Variants in DLC1 observed in about 807,000 individuals in gnomAD.
DLC1 encodes the protein DLC1 Rho GTPase activating protein, also known as rho GTPase-activating protein 7.
Under a neutral mutation model 140.3 loss-of-function variants are expected in DLC1, and 54 were observed. The observed-to-expected ratio is 0.38, with a 90% CI of 0.31 to 0.48. The LOEUF (loss-of-function observed/expected upper bound fraction) is 0.48. Among genes scored for constraint, DLC1 ranks in the 20% least tolerant of loss-of-function variants. The probability of loss-of-function intolerance (pLI) is 0.96; values close to 1 mark genes in which losing one functional copy is unlikely to be tolerated. For missense variants in DLC1, 2,536 were observed against 1,907.0 expected, an observed-to-expected ratio of 1.33 and a Z score of -6.14; for synonymous variants, 986 against 728.1, an observed-to-expected ratio of 1.35 and a Z score of -5.70.
At chr8:13,454,649 G>A (rs1198497206) in intron 2 of DLC1, among the ~76,000 whole-genome samples, 1 of 152,132 alleles carries the variant, frequency 6.6e-6, no homozygotes, top group Non-Finnish European at 1.5e-5. Context: ...TCGACCTCTG[G>A]GCTCAAGTGA....
intron 4 of DLC1, among the ~76,000 whole-genome samples, chr8:13,331,607 A>G (rs985081392): frequency 3.9e-5 from 6 of 152,126 alleles, no homozygotes; most frequent in South Asian, 2.1e-4. Flanking sequence ...TAAAATGTCT[A>G]TGTTCTAATT....
chr8:13,439,095 G>A (rs1334058225), intron 2 of DLC1, among the ~76,000 whole-genome samples: 1 of 152,166 alleles, frequency 6.6e-6, no homozygotes, highest in South Asian at 2.1e-4. Flanking sequence ...GGGAGGCCAA[G>A]GTGGGTAGAT....
At chr8:13,489,996 C>T (rs1002827115) in intron 2 of DLC1, among the ~76,000 whole-genome samples, 13 of 152,098 alleles carry the variant, frequency 8.5e-5, no homozygotes, top group South Asian at 4.1e-4. Flanking sequence ...CTTGTAAGGC[C>T]GAGACTGTTT....
chr8:13,331,976 A>G (rs1462399438), intron 4 of DLC1, among the ~76,000 whole-genome samples: 31 of 152,230 alleles, frequency 2.0e-4, no homozygotes, highest in Admixed American at 2.0e-3. Context: ...ACTTCTACAC[A>G]CAAAGACTCA....
intron 5 of DLC1, among the ~76,000 whole-genome samples, chr8:13,121,324 A>G (rs1821041581): frequency 6.6e-6 from 1 of 152,178 alleles, no homozygotes; most frequent in Non-Finnish European, 1.5e-5. Flanking sequence ...ATGGGAAGGA[A>G]GATACTGCTT....
chr8:13,267,395 C>A (rs928078236), intron 5 of DLC1, among the ~76,000 whole-genome samples: 1 of 151,168 alleles, frequency 6.6e-6, no homozygotes, highest in African/African-American at 2.4e-5. Flanking sequence ...ATATAGTAAT[C>A]AACCATGAAT....
intron 1 of DLC1, among the ~76,000 whole-genome samples, chr8:13,507,633 C>A (rs1193573271): frequency 6.6e-6 from 1 of 152,144 alleles, no homozygotes; most frequent in African/African-American, 2.4e-5. Flanking sequence ...TTGTTTAATG[C>A]TGGAATGTAC....
intron 1 of DLC1, chr8:13,568,166 A>G (rs1204904155): frequency 1.9e-6 from 1 of 532,322 alleles, no homozygotes. Flanking sequence ...AGTTTGGGCC[A>G]GGATGTTGAT....
At chr8:13,094,355 A>G (rs1818330879) in intron 12 of DLC1, among the ~76,000 whole-genome samples, 1 of 152,202 alleles carries the variant, frequency 6.6e-6, no homozygotes, top group Non-Finnish European at 1.5e-5. Flanking sequence ...GTCACCATGC[A>G]GACTCTCTTG....
intron 5 of DLC1, among the ~76,000 whole-genome samples, chr8:13,206,329 G>A (rs926013747): frequency 3.3e-5 from 5 of 152,086 alleles, no homozygotes; most frequent in Non-Finnish European, 7.4e-5. Context: ...CAAAAGATCT[G>A]AATAAACAAG....
chr8:13,153,364 C>G (rs1016048073), intron 5 of DLC1, among the ~76,000 whole-genome samples: 1 of 152,224 alleles, frequency 6.6e-6, no homozygotes. Flanking sequence ...TCTCACTGGC[C>G]TCAGGAGTGA....
rs1459282092 is a variant in DLC1, at chr8:13,453,447, T to C, written c.1023+45602A>G. Among the ~76,000 whole-genome samples the C allele has an allele frequency of 2.9e-3, 101 of 34,546 alleles. 5 individuals carry two copies. The highest frequency in any genetic ancestry group is 4.1e-3 in the East Asian group (7 of 1,702). The allele number at this position is 34,546 out of a possible 152,430, so 22.7% of individuals were successfully genotyped here. On this transcript the variant is annotated intron_variant, in intron 2 of 17. Coordinates refer to ENST00000276297, the MANE Select transcript of DLC1 (RefSeq NM_182643.3). ...ATGTGTATATATATATGTATATATA[T>C]ACATATATATATGTATATATATACA...
chr8:13,373,584 C>G (rs1225008461), intron 4 of DLC1, among the ~76,000 whole-genome samples: 2 of 152,132 alleles, frequency 1.3e-5, no homozygotes, highest in African/African-American at 2.4e-5. Context: ...AGGATTTACA[C>G]AACATGCAAA....
chr8:13,335,700 T>C (rs140207384), intron 4 of DLC1, among the ~76,000 whole-genome samples: 298 of 152,286 alleles, frequency 2.0e-3, no homozygotes, highest in Middle Eastern at 0.017. Context: ...TTATGCCTTA[T>C]AGAAAATATT....
intron 4 of DLC1, chr8:13,353,379 C>T (rs1236282753): frequency 6.6e-6 from 1 of 152,094 alleles, no homozygotes; most frequent in Non-Finnish European, 1.5e-5. Context: ...TGTTTGTGTT[C>T]TTAAAACAAC....
chr8:13,346,441 A>G (rs1267590229), intron 4 of DLC1, among the ~76,000 whole-genome samples: 2 of 152,214 alleles, frequency 1.3e-5, no homozygotes, highest in Non-Finnish European at 2.9e-5. Context: ...TCACTTTCAA[A>G]TCTGCTCTTT....
chr8:13,454,487 G>T (rs1283927194), intron 2 of DLC1, among the ~76,000 whole-genome samples: 2 of 152,156 alleles, frequency 1.3e-5, no homozygotes, highest in African/African-American at 4.8e-5. Flanking sequence ...AGAGAAAGAA[G>T]GAGTTAGACT....
chr8:13,425,955 G>T (rs1585087298), intron 2 of DLC1, among the ~76,000 whole-genome samples: 1 of 152,046 alleles, frequency 6.6e-6, no homozygotes, highest in East Asian at 1.9e-4. Flanking sequence ...TGGTACCACA[G>T]GCATGCACCA....
chr8:13,426,693 C>T (rs777132945), intron 2 of DLC1, among the ~76,000 whole-genome samples: 1 of 152,130 alleles, frequency 6.6e-6, no homozygotes, highest in Non-Finnish European at 1.5e-5. Context: ...GTCCTTCTTC[C>T]TCGCAGATCT....
Sources: gnomAD v4.1 joint callset for allele counts (sites outside exome capture counted in the v4.1 genomes callset) on GRCh38, gnomAD v4.1.1 for gene constraint, MANE v1.5 for transcripts, NCBI Gene and HGNC (gene_info 2026-07-23, HGNC 2026-07-21) for gene names.